KIF26A: variants seen among roughly 807,000 people sequenced by gnomAD.
The protein encoded by KIF26A is kinesin family member 26A, also known as kinesin-like protein KIF26A.
In KIF26A, 74 loss-of-function variants were observed where a neutral mutation model predicts 126.0. The ratio of observed to expected loss-of-function variants is 0.59; its 90% CI spans 0.49 to 0.71. KIF26A has a LOEUF of 0.71. KIF26A is among the 30% of genes least tolerant of loss of function. The pLI, the probability that KIF26A is intolerant of heterozygous loss-of-function variation, is 0.00. For missense variants in KIF26A, 2,984 were observed against 2,763.3 expected (o/e 1.08, Z -1.79); for synonymous variants, 1,445 against 1,232.7 (o/e 1.17, Z -3.61).
intron 3 of KIF26A, among the ~76,000 whole-genome samples, chr14:104,157,057 C>T (rs1039543158): frequency 9.9e-5 from 15 of 152,134 alleles, no homozygotes; most frequent in Admixed American, 2.0e-4. Context: ...GGTTGCATCC[C>T]CCCACGCCGC....
chr14:104,172,939 TG>T, intron 7 of KIF26A, 37 bp from the exon 8 acceptor site: 2 of 1,538,542 alleles, frequency 1.3e-6, no homozygotes, highest in South Asian at 1.3e-5. Context: ...GCTCCTTGCG[TG>T]GTGTGTGGTG....
In KIF26A at chr14:104,177,568, A is replaced by T; in HGVS notation, c.4780A>T (p.Ser1594Cys). ...GGCGGACTCAGACAGCGGCCATGAC[A>T]GCGGCGTGAACGTGGGGGAGGAGCG... ...GSADSDSGHD[S>C]GVNVGEERPP... The change falls in exon 12 of 15, where the codon AGC (serine) becomes TGC (cysteine). Residue 1594 changes from serine (S) to cysteine (C), a missense_variant. Coordinates refer to ENST00000423312, the MANE Select transcript of KIF26A (RefSeq NM_015656.2). The T allele has an allele frequency of 6.5e-7, 1 of 1,536,606 alleles. No individual in the cohort carries two copies. Among genetic ancestry groups the T allele is most frequent in the Non-Finnish European group, 8.7e-7 (1 of 1,146,618 alleles).
chr14:104,163,201 C>G (rs959928465), intron 4 of KIF26A, among the ~76,000 whole-genome samples: 4 of 152,004 alleles, frequency 2.6e-5, no homozygotes, highest in Non-Finnish European at 5.9e-5. Context: ...CCTGTGCCCC[C>G]AAATGGGCAG....
chr14:104,164,570 A>G (rs943130982), intron 4 of KIF26A, among the ~76,000 whole-genome samples: 3 of 152,094 alleles, frequency 2.0e-5, no homozygotes, highest in Non-Finnish European at 4.4e-5. Flanking sequence ...GGGAATGAGT[A>G]GGTGTGGCCC....
rs775456614 is a variant in KIF26A, at chr14:104,139,030, C to G, written c.43-13C>G. ...CCAGGCTCACTGTCCGCTTCCGCCC[C>G]CACACCCTGCAGGTGGCCGAGGGCG... On this transcript the variant is annotated splice_polypyrimidine_tract_variant and intron_variant, in intron 1 of 14. Transcript: ENST00000423312. 2.9e-4 allele frequency: 397 copies of G among 1,347,482 alleles called. 3 individuals carry two copies. In the Middle Eastern group the frequency reaches 3.0e-3, roughly 10 times the overall value. The allele number at this position is 1,347,482 out of a possible 1,614,324, so 83.5% of individuals were successfully genotyped here. A position where few individuals can be genotyped will look rare whatever the true frequency, so the allele number is the denominator to read the frequency against.
At position 104,176,039 on chromosome 14, in the gene KIF26A, A is replaced by G; in HGVS notation, c.3251A>G (p.Asp1084Gly). 1 of 1,595,040 alleles carries G rather than the reference A, an allele frequency of 6.3e-7. No individual in the cohort carries two copies. The highest frequency in any genetic ancestry group is 8.5e-7 in the Non-Finnish European group (1 of 1,175,518). ...ATCAGCAGCATCAATGATGAGTTTG[A>G]CGCCTACACCTCTCAGGCCCCTGAG... ...SIISSINDEF[D>G]AYTSQAPEGG... The change falls in exon 12 of 15, where the codon GAC becomes GGC. Residue 1084 changes from aspartate to glycine, a missense_variant. Asp to Gly is a moderately conservative substitution (Grantham distance 94). Transcript: ENST00000423312.
chr14:104,138,686 C>A lies in KIF26A; in HGVS notation c.-37C>A. The A allele has an allele frequency of 7.9e-7, 1 of 1,262,632 alleles. No homozygotes were observed. The highest frequency in any genetic ancestry group is 2.5e-5 in the South Asian group (1 of 39,958). The allele number at this position is 1,262,632 out of a possible 1,614,324, so 78.2% of individuals were successfully genotyped here. ...CGGCGCCCCCGGAGAGCCAGCGTGG[C>A]CGGGAGCGCCTGCCGGGCTCTTCCC... On this transcript the variant is annotated 5_prime_UTR_variant, in exon 1 of 15. Transcript: ENST00000423312.
chr14:104,172,769 CCTACACA>C (rs1384297879), intron 7 of KIF26A, 101 bp downstream of exon 7: 155 of 1,118,010 alleles, frequency 1.4e-4, no homozygotes, highest in Non-Finnish European at 1.4e-4. Flanking sequence ...GGAGGCTGGT[CCTACACA>C]TGGGCCGTGG....
At position 104,157,796 on chromosome 14, in the gene KIF26A, C is replaced by T. The variant is rs1488403741; in HGVS notation, c.777C>T (p.Val259=). 1 of 1,610,350 alleles carries T rather than the reference C, an allele frequency of 6.2e-7. No individual in the cohort carries two copies. Among genetic ancestry groups the T allele is most frequent in the South Asian group, 1.1e-5 (1 of 90,808 alleles). The change falls in exon 4 of 15, where the codon GTC becomes GTT. Residue 259 remains valine (V), a synonymous_variant. Coordinates refer to ENST00000423312, the MANE Select transcript of KIF26A (RefSeq NM_015656.2). ...AVAAVAVADT[V]RECPPVAGPD... ...CGGCCGTGGCGGTGGCAGACACGGTCCGAGAATGCCCCCCCGTGGCCGGCC... is the reference window on the plus strand; with the variant it reads ...CGGCCGTGGCGGTGGCAGACACGGTTCGAGAATGCCCCCCCGTGGCCGGCC...
rs973572948 is a variant in KIF26A at position 104,165,378 on chromosome 14, G to A, written c.924-1481G>A. ...TGCGTCTGTGTGTCCCTGTGTGCATGTGTCTCTGTGTCTGTATGCATATGT... is the reference window on the plus strand; with the variant it reads ...TGCGTCTGTGTGTCCCTGTGTGCATATGTCTCTGTGTCTGTATGCATATGT... On this transcript the variant is annotated intron_variant, in intron 4 of 14. Coordinates refer to ENST00000423312, the MANE Select transcript of KIF26A (RefSeq NM_015656.2). Among the ~76,000 whole-genome samples, 28 of 121,678 alleles carry A rather than the reference G, an allele frequency of 2.3e-4. 1 individual carries two copies. The highest frequency in any genetic ancestry group is 1.0e-3 in the African/African-American group (28 of 27,022). 79.8% of individuals were successfully genotyped at this position (121,678 alleles called of 152,430 possible).
chr14:104,172,525 G>T (rs545706025), intron 6 of KIF26A, 50 bp from the exon 7 acceptor site: 7 of 1,426,256 alleles, frequency 4.9e-6, no homozygotes, highest in South Asian at 4.8e-5. Context: ...GCCCACAGAC[G>T]TGGCAGAAGG....
At chr14:104,142,658 GCCTC>G (rs1438949580) in intron 2 of KIF26A, among the ~76,000 whole-genome samples, 2 of 152,128 alleles carry the variant, frequency 1.3e-5, no homozygotes, top group Non-Finnish European at 2.9e-5. Flanking sequence ...CAAAGCTGGG[GCCTC>G]CCTCTTTCTC....
At position 104,179,778 on chromosome 14, in the gene KIF26A, G is replaced by C. The variant is rs562373242; in HGVS notation, c.5637G>C (p.Glu1879Asp). The C allele has an allele frequency of 6.5e-7, 1 of 1,539,394 alleles. No homozygotes were observed. The highest frequency in any genetic ancestry group is 1.4e-5 in the African/African-American group (1 of 73,254). Reference protein sequence around the residue: ...AASAAIPGPQEVDV With the variant: ...AASAAIPGPQDVDV ...GTGCTGCCATCCCGGGGCCGCAGGA[G>C]GTGGACGTCTGAGGCTGGGCGCCGG... Residue 1879 changes from glutamate to aspartate, a missense_variant, in exon 15 of 15, where the codon GAG (glutamate) becomes GAC (aspartate). By Grantham distance (45) the Glu-to-Asp change is conservative. Coordinates refer to ENST00000423312, the MANE Select transcript of KIF26A (RefSeq NM_015656.2).
Position 104,179,255 on chromosome 14 carries a change from C to T in KIF26A, c.5336C>T (p.Thr1779Ile). The T allele has an allele frequency of 6.6e-7, 1 of 1,521,840 alleles. No homozygotes were observed. 94.3% of individuals were successfully genotyped at this position (1,521,840 alleles called of 1,614,324 possible). A position where few individuals can be genotyped will look rare whatever the true frequency, so the allele number is the denominator to read the frequency against. Residue 1779 changes from threonine to isoleucine, a missense_variant, in exon 14 of 15, where the codon ACA (threonine) becomes ATA (isoleucine). Coordinates refer to ENST00000423312, the MANE Select transcript of KIF26A (RefSeq NM_015656.2). The stretch of plus-strand genomic sequence containing the variant: ...TCCCAGGGTCTGGCGTGCGTCAGTA[C>T]AAGGCTGCGGCTGGCGGAGCGCAGG... ...APTQGLACVS[T>I]RLRLAERRQQ...
chr14:104,142,770 C>G (rs79372337), intron 2 of KIF26A, among the ~76,000 whole-genome samples: 6,004 of 152,320 alleles, frequency 0.039, 163 homozygotes, highest in Non-Finnish European at 0.06. Flanking sequence ...CTGGTTTCCC[C>G]CACAAGCAGG....
intron 7 of KIF26A, 138 bp downstream of exon 7, chr14:104,172,806 G>T (rs1440785625): frequency 4.8e-5 from 53 of 1,102,530 alleles, no homozygotes; most frequent in Non-Finnish European, 5.1e-6. Flanking sequence ...GGGGTGAGGG[G>T]CTTGTGGAGA....
intron 14 of KIF26A, 53 bp from the exon 15 acceptor site, chr14:104,179,556 C>T: frequency 6.9e-7 from 1 of 1,454,268 alleles, no homozygotes; most frequent in Non-Finnish European, 9.1e-7. Context: ...CAGGTGGCTG[C>T]CCCCAGCCTC....
At chr14:104,163,839 C>T (rs10149646) in intron 4 of KIF26A, among the ~76,000 whole-genome samples, 73,501 of 151,656 alleles carry the variant, frequency 0.48, 18,196 homozygotes, top group African/African-American at 0.59. Flanking sequence ...CAGCTGTGGG[C>T]AAGGAACCCA....
intron 4 of KIF26A, among the ~76,000 whole-genome samples, chr14:104,165,985 C>T (rs555067811): frequency 9.2e-5 from 14 of 152,254 alleles, no homozygotes; most frequent in Middle Eastern, 3.4e-3. Flanking sequence ...TCCTGTGGTC[C>T]GGGGGCTTTG....
Sources: allele counts gnomAD v4.1 joint callset (sites outside exome capture counted in the v4.1 genomes callset), GRCh38; gene constraint gnomAD v4.1.1; transcripts MANE v1.5; gene names NCBI Gene and HGNC (gene_info 2026-07-23, HGNC 2026-07-21).